CACNA2D4: variants seen among roughly 807,000 people sequenced by gnomAD.
The protein encoded by CACNA2D4 is voltage-dependent calcium channel subunit alpha-2/delta-4.
In CACNA2D4, 157 loss-of-function variants were observed where a neutral mutation model predicts 163.8. The observed-to-expected ratio is 0.96, with a 90% CI of 0.84 to 1.09. The LOEUF (loss-of-function observed/expected upper bound fraction) is 1.09. Among genes scored for constraint, CACNA2D4 ranks in the 50% least tolerant of loss-of-function variants. The pLI, the probability that CACNA2D4 is intolerant of heterozygous loss-of-function variation, is 0.00. For missense variants in CACNA2D4, 1,410 were observed against 1,479.9 expected, an observed-to-expected ratio of 0.95 and a Z score of 0.78; for synonymous variants, 598 against 586.9, an observed-to-expected ratio of 1.02 and a Z score of -0.27.
intron 2 of CACNA2D4, among the ~76,000 whole-genome samples, chr12:1,914,432 T>G (rs187712431): frequency 6.6e-6 from 1 of 152,142 alleles, no homozygotes; most frequent in Non-Finnish European, 1.5e-5. Context: ...GAGGTCTCCC[T>G]GCGCAGAGGC....
chr12:1,915,647 G>A (rs1247079099), intron 1 of CACNA2D4, among the ~76,000 whole-genome samples: 1 of 152,220 alleles, frequency 6.6e-6, no homozygotes, highest in Non-Finnish European at 1.5e-5. Context: ...AGGCCAGGAG[G>A]GCATAAGGAG....
chr12:1,806,042 C>T lies in CACNA2D4; in HGVS notation c.2721+4236G>A, dbSNP rs900732819. On this transcript the variant is annotated intron_variant, in intron 29 of 37. Transcript: ENST00000382722. This position sits in a 1 kb window ranked among gnomAD's most constrained non-coding sequence, Gnocchi z 4.1. ...TCACTGGGCTGGGGTGTGGAGGGAG[C>T]AGGGTGCTGTGCTCTGAGAGATCCA... is the stretch of plus-strand genomic sequence containing the variant. 3.9e-5 allele frequency among the ~76,000 whole-genome samples: 6 copies of T among 152,286 alleles called. No individual in the cohort carries two copies. The highest frequency in any genetic ancestry group is 1.4e-4 in the African/African-American group (6 of 41,570).
At position 1,795,319 on chromosome 12, in the gene CACNA2D4, AG is replaced by A; in HGVS notation, c.3288del (p.Cys1097AlafsTer70). 6.2e-7 allele frequency: 1 copy of A among 1,613,186 alleles called. No homozygotes were observed. On this transcript the variant is annotated frameshift_variant, in exon 37 of 38. Transcript: ENST00000382722. LOFTEE classifies it low-confidence loss of function (END_TRUNC). Reference sequence around the variant, plus strand: ...CGCACCTCTGGATGGAAGGCGTGGCAGGAGTCTGGTCGCCGGCGGAGCTTCT... The same window carrying A: ...CGCACCTCTGGATGGAAGGCGTGGCAGAGTCTGGTCGCCGGCGGAGCTTCT... The part of the protein sequence containing the change: ...RSQKLRRRPD[S>X]CHAFHPEENA...
rs144034120 is a variant in CACNA2D4 at position 1,819,705 on chromosome 12, T to C, written c.2552-7982A>G. Among the ~76,000 whole-genome samples, 369 of 152,228 alleles carry C rather than the reference T, an allele frequency of 2.4e-3. 2 individuals carry two copies. The highest frequency in any genetic ancestry group is 7.5e-3 in the African/African-American group (311 of 41,540). ...ATTTTTCTGACTTGCTTTGTCCTGA[T>C]TGGTTAAGAAAGAGGCCTCCAAGTT... On this transcript the variant is annotated intron_variant, in intron 26 of 37. Coordinates refer to ENST00000382722, the MANE Select transcript of CACNA2D4 (RefSeq NM_172364.5).
At chr12:1,914,779 G>T in intron 2 of CACNA2D4, 75 bp downstream of exon 2, 1 of 972,020 alleles carries the variant, frequency 1.0e-6, no homozygotes, top group Non-Finnish European at 1.7e-6. Flanking sequence ...GCCCCTCACA[G>T]CACCGGCATT....
intron 26 of CACNA2D4, among the ~76,000 whole-genome samples, chr12:1,816,270 A>G (rs1863867474): frequency 6.6e-6 from 1 of 152,216 alleles, no homozygotes; most frequent in Non-Finnish European, 1.5e-5. Flanking sequence ...ATTCAGGCAA[A>G]GGGCCCGAGG....
intron 26 of CACNA2D4, 176 bp from the exon 27 acceptor site, chr12:1,811,899 TG>T: frequency 1.9e-6 from 1 of 517,268 alleles, no homozygotes; most frequent in Non-Finnish European, 3.4e-6. Context: ...GTGGGAGGGG[TG>T]GGGGAAGAAC....
At position 1,875,232 on chromosome 12, in the gene CACNA2D4, C is replaced by G. The variant is rs1319664621; in HGVS notation, c.1806+19G>C. ...GTAGAGCCTAACTAGCTTCCCTTCC[C>G]CCTATTTTCCCCACTCACAGATTCA... On this transcript the variant is annotated intron_variant, in intron 17 of 37. Transcript: ENST00000382722. The surrounding 1 kb of genome is among the most constrained non-coding windows in gnomAD (Gnocchi z 4.0). 4.5e-6 allele frequency: 7 copies of G among 1,570,442 alleles called. No individual in the cohort carries two copies. The highest frequency in any genetic ancestry group is 6.1e-6 in the Non-Finnish European group (7 of 1,140,474).
intron 13 of CACNA2D4, among the ~76,000 whole-genome samples, chr12:1,880,710 G>A (rs1198000726): frequency 1.3e-5 from 2 of 152,256 alleles, no homozygotes; most frequent in East Asian, 1.9e-4. Context: ...TGGCCACCAC[G>A]TCTCTTTCTC....
intron 25 of CACNA2D4, among the ~76,000 whole-genome samples, chr12:1,841,214 G>C (rs1865017589): frequency 6.6e-6 from 1 of 152,242 alleles, no homozygotes; most frequent in African/African-American, 2.4e-5. Context: ...ATTGCTCTCT[G>C]TGAGTCTGCG....
intron 6 of CACNA2D4, among the ~76,000 whole-genome samples, chr12:1,890,061 A>G (rs1866241469): frequency 6.6e-6 from 1 of 152,186 alleles, no homozygotes; most frequent in Non-Finnish European, 1.5e-5. Flanking sequence ...CAGGTTGCTC[A>G]ATGCAATGAA....
chr12:1,799,801 G>A lies in CACNA2D4; in HGVS notation c.2975-106C>T, dbSNP rs754443442. 2.1e-4 allele frequency: 294 copies of A among 1,413,642 alleles called. No homozygotes were observed. Among genetic ancestry groups the A allele is most frequent in the South Asian group, 3.3e-4 (27 of 81,268 alleles). The allele number at this position is 1,413,642 out of a possible 1,614,324, so 87.6% of individuals were successfully genotyped here. On this transcript the variant is annotated intron_variant, in intron 33 of 37. Transcript: ENST00000382722. The surrounding 1 kb of genome is among the most constrained non-coding windows in gnomAD (Gnocchi z 4.7). Reference sequence around the variant, plus strand: ...TGGTGATGATGGCACATGGAGTGGCGGTGTCCCAAGATGATGTCACACACA... The same window carrying A: ...TGGTGATGATGGCACATGGAGTGGCAGTGTCCCAAGATGATGTCACACACA...
At chr12:1,863,657 A>G (rs140253533) in intron 18 of CACNA2D4, among the ~76,000 whole-genome samples, 242 of 152,278 alleles carry the variant, frequency 1.6e-3, no homozygotes, top group African/African-American at 4.8e-3. Context: ...TTTATTCCTA[A>G]GTATTTTATG....
Position 1,820,922 on chromosome 12 carries a change from C to T in CACNA2D4, c.2552-9199G>A, listed in dbSNP as rs1271223435. ...CATCTCTGCCCTGCAGGAATAGCTG[C>T]AGTTGCTTCCTACCTGCAGGCAATT... On this transcript the variant is annotated intron_variant, in intron 26 of 37. Transcript: ENST00000382722. The surrounding 1 kb of genome is among the most constrained non-coding windows in gnomAD (Gnocchi z 6.0). The T allele has an allele frequency of 6.6e-6, 1 of 152,240 alleles. No homozygotes were observed. Among genetic ancestry groups the T allele is most frequent in the Non-Finnish European group, 1.5e-5 (1 of 68,078 alleles). The allele number at this position is 152,240 out of a possible 1,614,324, so 9.4% of individuals were successfully genotyped here.
intron 4 of CACNA2D4, 83 bp downstream of exon 4, chr12:1,909,823 G>A (rs1021422336): frequency 8.8e-5 from 103 of 1,176,018 alleles, no homozygotes; most frequent in South Asian, 8.2e-4. Flanking sequence ...GCCACCCTAC[G>A]CCGCCACCCT....
chr12:1,867,560 C>T (rs74359012), intron 18 of CACNA2D4, among the ~76,000 whole-genome samples: 2,240 of 152,060 alleles, frequency 0.015, 63 homozygotes, highest in African/African-American at 0.05. Context: ...GCATAAGAAA[C>T]AACAGCTAAA....
intron 36 of CACNA2D4, 40 bp downstream of exon 36, chr12:1,795,628 C>G: frequency 7.1e-7 from 1 of 1,399,412 alleles, no homozygotes; most frequent in Non-Finnish European, 1.0e-6. Flanking sequence ...TCCTACAGCC[C>G]CCGCCCCCAC....
intron 26 of CACNA2D4, chr12:1,827,866 G>C (rs755968417): frequency 1.1e-5 from 4 of 377,456 alleles, no homozygotes; most frequent in African/African-American, 2.1e-5. Flanking sequence ...CCGACCCTCG[G>C]GCTCCTGGAA....
At chr12:1,804,919 G>A (rs1017047111) in intron 29 of CACNA2D4, among the ~76,000 whole-genome samples, 1 of 152,262 alleles carries the variant, frequency 6.6e-6, no homozygotes, top group Non-Finnish European at 1.5e-5. Flanking sequence ...CACAATTCCT[G>A]GCTGATAGTT....
Sources: allele counts gnomAD v4.1 joint callset (sites outside exome capture counted in the v4.1 genomes callset), GRCh38; gene constraint gnomAD v4.1.1; non-coding constraint Gnocchi (gnomAD v3.1); transcripts MANE v1.5; gene names NCBI Gene and HGNC (gene_info 2026-07-23, HGNC 2026-07-21).